FHDC1: variants seen among roughly 807,000 people sequenced by gnomAD.
FHDC1 encodes FH2 domain-containing protein 1.
FHDC1 carries 25 observed loss-of-function variants against 52.6 expected under a neutral mutation model. The observed-to-expected ratio is 0.48, with a 90% CI of 0.35 to 0.66. The LOEUF is 0.66. Among genes scored for constraint, FHDC1 ranks in the 30% least tolerant of loss-of-function variants. The pLI, the probability that FHDC1 is intolerant of heterozygous loss-of-function variation, is 0.01. For missense variants in FHDC1, 1,459 were observed against 1,452.8 expected (o/e 1.00, Z -0.07); for synonymous variants, 616 against 581.5 (o/e 1.06, Z -0.85).
Position 152,975,056 on chromosome 4 carries a change from G to C in FHDC1, c.1765G>C (p.Ala589Pro). ...ARPTIACLEPAEVRHQDSSFA... is the reference protein window; with the variant it reads ...ARPTIACLEPPEVRHQDSSFA... ...GCCCACGATAGCCTGCCTGGAGCCT[G>C]CAGAAGTGAGGCACCAGGACTCCAG... is the stretch of plus-strand genomic sequence containing the variant. The change falls in exon 12 of 12, where the codon GCA (alanine) becomes CCA (proline). Residue 589 changes from alanine (A) to proline (P), a missense_variant. Around this residue, in one of 3 missense-constraint regions of FHDC1, gnomAD observed 939 missense variants for 854.5 expected, o/e 1.10. Transcript: ENST00000511601. 6.2e-7 allele frequency: 1 copy of C among 1,612,460 alleles called. No homozygotes were observed. Among genetic ancestry groups the C allele is most frequent in the Non-Finnish European group, 8.5e-7 (1 of 1,179,728 alleles).
chr4:152,968,109 A>T lies in FHDC1; in HGVS notation c.1218+12A>T. 1 of 1,600,746 alleles carries T rather than the reference A, an allele frequency of 6.2e-7. No homozygotes were observed. Among genetic ancestry groups the T allele is most frequent in the South Asian group, 1.1e-5 (1 of 90,168 alleles). ...AAGATTTTCTTCAGGTTTGTAGGTG[A>T]CTCAAGTCAGTCCCTCTAATCTCAT... On this transcript the variant is annotated intron_variant, in intron 10 of 11. Transcript: ENST00000511601.
intron 6 of FHDC1, among the ~76,000 whole-genome samples, chr4:152,961,250 G>A (rs1740272142): frequency 6.8e-6 from 1 of 146,046 alleles, no homozygotes; most frequent in Non-Finnish European, 1.5e-5. Flanking sequence ...TGGCCTCTTG[G>A]TGGCTGGGAC....
At chr4:152,932,125 T>C (rs1739264300), upstream of FHDC1, among the ~76,000 whole-genome samples, 1 of 152,094 alleles carries the variant, frequency 6.6e-6, no homozygotes, top group South Asian at 2.1e-4. Context: ...GGCTCACATC[T>C]GTAATCCCAG....
rs374112224 is a variant in FHDC1 at position 152,964,927 on chromosome 4, T to G, written c.1052T>G (p.Ile351Ser). 6.2e-7 allele frequency: 1 copy of G among 1,612,364 alleles called. No individual in the cohort carries two copies. The highest frequency in any genetic ancestry group is 2.2e-5 in the East Asian group (1 of 44,804). ...VAQEAQKKDTILLNFSEKLHH... is the reference protein window; with the variant it reads ...VAQEAQKKDTSLLNFSEKLHH... ...CAGGAAGCCCAAAAGAAAGATACCA[T>G]TCTTCTAAACTTTTCAGAAAAATTG... The change falls in exon 9 of 12, where the codon ATT becomes AGT. Residue 351 changes from isoleucine (I) to serine (S), a missense_variant. Coordinates refer to ENST00000511601, the MANE Select transcript of FHDC1 (RefSeq NM_001371116.1).
chr4:152,942,745 G>A (rs1739608832), intron 1 of FHDC1, among the ~76,000 whole-genome samples, 183 bp from the exon 2 acceptor site: 2 of 152,194 alleles, frequency 1.3e-5, no homozygotes, highest in South Asian at 4.1e-4. Flanking sequence ...GAATTTCCAG[G>A]TGGTAAAATT....
intron 1 of FHDC1, among the ~76,000 whole-genome samples, chr4:152,937,650 A>C (rs1481004884): frequency 1.3e-5 from 2 of 151,566 alleles, no homozygotes; most frequent in African/African-American, 4.8e-5. Context: ...CCCGCCCCGC[A>C]GGCCGCGGCT....
At chr4:152,924,431 C>A in the FHDC1 span, among the ~76,000 whole-genome samples, 1 of 152,176 alleles carries the variant, frequency 6.6e-6, no homozygotes. Flanking sequence ...ACTAGTTCAA[C>A]CCTTGTGGAA....
chr4:152,964,345 C>T (rs966472810), intron 8 of FHDC1, among the ~76,000 whole-genome samples: 7 of 152,210 alleles, frequency 4.6e-5, no homozygotes, highest in Non-Finnish European at 7.3e-5. Flanking sequence ...CAGCAAGGGT[C>T]GTGGATAGTA....
At chr4:152,942,328 A>T (rs1000072036) in intron 1 of FHDC1, among the ~76,000 whole-genome samples, 4 of 152,182 alleles carry the variant, frequency 2.6e-5, no homozygotes, top group Non-Finnish European at 5.9e-5. Flanking sequence ...CTCATTTTTC[A>T]TATCTGCTGT....
At chr4:152,953,649 C>A in intron 3 of FHDC1, 89 bp downstream of exon 3, 1 of 1,086,352 alleles carries the variant, frequency 9.2e-7, no homozygotes, top group Non-Finnish European at 1.4e-6. Context: ...AATTCAAATT[C>A]CTCACACCTT....
intron 9 of FHDC1, among the ~76,000 whole-genome samples, chr4:152,965,769 A>G (rs544490530): frequency 1.3e-5 from 2 of 152,228 alleles, no homozygotes; most frequent in Non-Finnish European, 2.9e-5. Flanking sequence ...AGACACCCAC[A>G]GTTGGTTCTC....
chr4:152,974,773 A>G lies in FHDC1; in HGVS notation c.1482A>G (p.Ala494=), dbSNP rs1740786346. The G allele has an allele frequency of 6.5e-7, 1 of 1,536,320 alleles. No homozygotes were observed. The highest frequency in any genetic ancestry group is 1.4e-5 in the African/African-American group (1 of 72,732). The change falls in exon 12 of 12, where the codon GCA becomes GCG. Residue 494 remains alanine (A), a synonymous_variant. Transcript: ENST00000511601. ...QRSWATGELG[A]FGRSSSENDV... ...CCTGGGCAACTGGGGAGCTGGGGGC[A>G]TTTGGCCGGAGCAGCAGTGAGAATG...
chr4:152,921,412 T>A, the FHDC1 span, among the ~76,000 whole-genome samples: 1 of 152,198 alleles, frequency 6.6e-6, no homozygotes, highest in Admixed American at 6.5e-5. Flanking sequence ...AATTAATTTT[T>A]TAATATTTTA....
In FHDC1 at chr4:152,978,022, T is replaced by C. The variant is rs188887598; in HGVS notation, c.*1299T>C. On this transcript the variant is annotated 3_prime_UTR_variant, in exon 12 of 12. Transcript: ENST00000511601. ...TATTCAGGGCGCGCATTGTGAGCAG[T>C]GGAGTATGAGCCTTGAGGGCCTCAT... 7 of 152,252 alleles carry C rather than the reference T, an allele frequency of 4.6e-5. No homozygotes were observed. The East Asian group carries it at 1.4e-3, about 29-fold the overall frequency. The allele number at this position is 152,252 out of a possible 1,614,324, so 9.4% of individuals were successfully genotyped here.
At chr4:152,912,898 T>C in the FHDC1 span, among the ~76,000 whole-genome samples, 1 of 152,236 alleles carries the variant, frequency 6.6e-6, no homozygotes, top group African/African-American at 2.4e-5. Flanking sequence ...ATCTAGGCTT[T>C]AAGAAGCATC....
chr4:152,930,962 A>AACAC, the FHDC1 span, among the ~76,000 whole-genome samples: 3,324 of 104,630 alleles, frequency 0.032, 73 homozygotes, highest in East Asian at 0.07. Context: ...TCCCCAGGGA[A>AACAC]ACACACACAC....
the FHDC1 span, chr4:152,927,767 G>T: frequency 1.6e-5 from 22 of 1,379,662 alleles, no homozygotes; most frequent in Non-Finnish European, 2.3e-5. Context: ...AAGAGAAGAA[G>T]AACTGAAAGA....
intron 8 of FHDC1, among the ~76,000 whole-genome samples, chr4:152,963,999 A>T (rs188933577): frequency 1.5e-3 from 232 of 152,052 alleles, no homozygotes; most frequent in African/African-American, 5.3e-3. Flanking sequence ...CTTGTTTTGA[A>T]TGTGAGCTTC....
At chr4:152,924,170 AC>A in the FHDC1 span, among the ~76,000 whole-genome samples, 486 of 152,302 alleles carry the variant, frequency 3.2e-3, 20 homozygotes, top group East Asian at 0.088. Context: ...AGAAAAAAAA[AC>A]CAACAACCCC....
Sources: allele counts gnomAD v4.1 joint callset (sites outside exome capture counted in the v4.1 genomes callset), GRCh38; gene constraint gnomAD v4.1.1; regional missense constraint gnomAD v4.1.1; transcripts MANE v1.5; gene names NCBI Gene and HGNC (gene_info 2026-07-23, HGNC 2026-07-21).